Variants in MGA observed in about 807,000 individuals in gnomAD.
MGA encodes the protein MAX dimerization protein MGA, also known as MAX gene-associated protein.
A neutral mutation model predicts 261.1 loss-of-function variants in MGA; 40 were observed. The ratio of observed to expected loss-of-function variants is 0.15; its 90% CI spans 0.12 to 0.20. The LOEUF is 0.20. MGA is among the 10% of genes least tolerant of loss of function. MGA has a pLI of 1.00. For synonymous variants in MGA, 1,302 were observed against 1,290.6 expected (o/e 1.01, Z -0.19); for missense variants, 3,397 against 3,630.5 (o/e 0.94, Z 1.65).
At position 41,713,280 on chromosome 15, in the gene MGA, C is replaced by T. The variant is rs376085008; in HGVS notation, c.3214C>T (p.Arg1072Cys). Residue 1072 changes from arginine to cysteine, a missense_variant, in exon 9 of 24, where the codon CGC (arginine) becomes TGC (cysteine). Arg to Cys is a radical substitution (Grantham distance 180). Coordinates refer to ENST00000219905, the MANE Select transcript of MGA (RefSeq NM_001164273.2). Reference sequence around the variant, plus strand: ...GGAGAAGCGCCAACCTGCTCACTGCCGCCGACCAGACTGCATGTTTGGTTG... The same window carrying T: ...GGAGAAGCGCCAACCTGCTCACTGCTGCCGACCAGACTGCATGTTTGGTTG... The T allele has an allele frequency of 1.5e-5, 25 of 1,613,902 alleles. No individual in the cohort carries two copies. The highest frequency in any genetic ancestry group is 2.1e-5 in the Non-Finnish European group (25 of 1,179,882).
chr15:41,708,040 T>C (rs2060205747), intron 6 of MGA, 64 bp from the exon 7 acceptor site: 1 of 1,407,430 alleles, frequency 7.1e-7, no homozygotes, highest in African/African-American at 1.5e-5. Flanking sequence ...TTTTATTAAT[T>C]AACTAGGTCC....
At chr15:41,677,993 C>G (rs1321454154) in intron 2 of MGA, among the ~76,000 whole-genome samples, 1 of 152,000 alleles carries the variant, frequency 6.6e-6, no homozygotes, top group Non-Finnish European at 1.5e-5. Context: ...CTTAAGAAAC[C>G]ATTGCCAAAT....
At chr15:41,717,249 G>T (rs1020293677) in intron 9 of MGA, among the ~76,000 whole-genome samples, 9 of 152,064 alleles carry the variant, frequency 5.9e-5, no homozygotes, top group African/African-American at 2.2e-4. Flanking sequence ...AAAAAATACT[G>T]CTGGCTGTGC....
intron 10 of MGA, among the ~76,000 whole-genome samples, chr15:41,727,797 A>G (rs1032247761): frequency 1.3e-5 from 2 of 152,208 alleles, no homozygotes; most frequent in Admixed American, 6.5e-5. Context: ...TTAAAAATGC[A>G]TAATAATATC....
intron 9 of MGA, among the ~76,000 whole-genome samples, chr15:41,719,332 C>T (rs1469012734): frequency 3.3e-5 from 5 of 152,164 alleles, no homozygotes; most frequent in Non-Finnish European, 7.4e-5. Context: ...GCCTATAGAT[C>T]TGCTGATGCT....
rs752846487 is a variant in MGA at position 41,727,357 on chromosome 15, T to C, written c.3608T>C (p.Leu1203Pro). 4 of 1,613,898 alleles carry C rather than the reference T, an allele frequency of 2.5e-6. No homozygotes were observed. The highest frequency in any genetic ancestry group is 3.4e-6 in the Non-Finnish European group (4 of 1,179,894). Residue 1203 changes from leucine to proline, a missense_variant, in exon 10 of 24, where the codon CTC becomes CCC. Transcript: ENST00000219905. ...TCTCCTACTGTGAAGGGCAAACTGC[T>C]CACTGGAATTAAATCTCCACGGTCA...
At chr15:41,760,059 T>G (rs2063366654) in intron 19 of MGA, 1 of 415,192 alleles carries the variant, frequency 2.4e-6, no homozygotes, top group East Asian at 4.2e-5. Flanking sequence ...ACATATACAA[T>G]TTCTTCCTCA....
chr15:41,689,201 A>G (rs2059128156), intron 2 of MGA, among the ~76,000 whole-genome samples: 1 of 151,662 alleles, frequency 6.6e-6, no homozygotes, highest in Non-Finnish European at 1.5e-5. Flanking sequence ...TAAGCCTCTA[A>G]ACCTTGTTAC....
chr15:41,756,434 A>G (rs2063153204), intron 18 of MGA, among the ~76,000 whole-genome samples: 1 of 152,226 alleles, frequency 6.6e-6, no homozygotes, highest in African/African-American at 2.4e-5. Flanking sequence ...CTAGGTGTGG[A>G]GCAATGGGAA....
chr15:41,702,023 A>G (rs1438408265), intron 5 of MGA, among the ~76,000 whole-genome samples: 1 of 151,978 alleles, frequency 6.6e-6, no homozygotes, highest in East Asian at 1.9e-4. Flanking sequence ...GGCTTCCTTT[A>G]AAAAGCCATA....
Position 41,664,954 on chromosome 15 carries a change from G to C in MGA, c.-67-3874G>C, listed in dbSNP as rs554433733. 2.0e-5 allele frequency among the ~76,000 whole-genome samples: 3 copies of C among 152,266 alleles called. No individual in the cohort carries two copies. The South Asian group carries it at 6.2e-4, about 32-fold the overall frequency. ...TCTTTTAAAAATAAACTTCACATCAGAGGAGAGATTTTTTGTTGTTGTTGT... is the reference window on the plus strand; with the variant it reads ...TCTTTTAAAAATAAACTTCACATCACAGGAGAGATTTTTTGTTGTTGTTGT... On this transcript the variant is annotated intron_variant, in intron 1 of 23. Coordinates refer to ENST00000219905, the MANE Select transcript of MGA (RefSeq NM_001164273.2).
chr15:41,639,095 C>T (rs761386490), intron 1 of MGA, among the ~76,000 whole-genome samples: 1 of 152,146 alleles, frequency 6.6e-6, no homozygotes, highest in South Asian at 2.1e-4. Flanking sequence ...GCCCTTTCAG[C>T]ATGAGAATTT....
chr15:41,729,035 T>A, intron 10 of MGA, 129 bp from the exon 11 acceptor site: 1 of 907,146 alleles, frequency 1.1e-6, no homozygotes, highest in Non-Finnish European at 1.7e-6. Flanking sequence ...TTGTGCTGTT[T>A]GATTTGAAAG....
chr15:41,647,243 G>A (rs943132472), intron 1 of MGA, among the ~76,000 whole-genome samples: 3 of 152,160 alleles, frequency 2.0e-5, no homozygotes, highest in Non-Finnish European at 4.4e-5. Flanking sequence ...CTGCCTGCAA[G>A]CTCATTCGTA....
At chr15:41,717,703 C>T (rs922805852) in intron 9 of MGA, among the ~76,000 whole-genome samples, 1 of 152,120 alleles carries the variant, frequency 6.6e-6, no homozygotes, top group Non-Finnish European at 1.5e-5. Flanking sequence ...GACTAAATCC[C>T]ATTTGATACA....
chr15:41,696,060 C>CCT lies in MGA; in HGVS notation c.1065-5_1065-4dup, dbSNP rs750164645. Reference sequence around the variant, plus strand: ...TTTTGTACTTTTAAAATCCCTTTCTCCTCTCTCTCTCCAGTCTTATTGCCA... The same window carrying CCT: ...TTTTGTACTTTTAAAATCCCTTTCTCCTCTCTCTCTCTCCAGTCTTATTGCCA... On this transcript the variant is annotated splice_polypyrimidine_tract_variant and intron_variant, in intron 2 of 23. Coordinates refer to ENST00000219905, the MANE Select transcript of MGA (RefSeq NM_001164273.2). The CCT allele has an allele frequency of 1.7e-5, 26 of 1,536,542 alleles. No homozygotes were observed. Among genetic ancestry groups the CCT allele is most frequent in the African/African-American group, 5.6e-5 (4 of 71,898 alleles).
At chr15:41,703,524 G>C (rs1336164112) in intron 5 of MGA, among the ~76,000 whole-genome samples, 2 of 152,024 alleles carry the variant, frequency 1.3e-5, no homozygotes, top group Non-Finnish European at 2.9e-5. Context: ...TTTTGCACCA[G>C]AGATTTATCT....
intron 23 of MGA, 139 bp from the exon 24 acceptor site, chr15:41,765,865 C>A (rs1046318636): frequency 1.1e-5 from 7 of 666,250 alleles, no homozygotes; most frequent in African/African-American, 3.6e-5. Flanking sequence ...ACTGATATTT[C>A]TTTCATCTTT....
intron 1 of MGA, among the ~76,000 whole-genome samples, chr15:41,628,164 A>T (rs1383149754): frequency 6.6e-6 from 1 of 151,962 alleles, no homozygotes; most frequent in East Asian, 1.9e-4. Context: ...TGAGGTCAGG[A>T]GTTTGAGACC....
Sources: allele counts gnomAD v4.1 joint callset (sites outside exome capture counted in the v4.1 genomes callset), GRCh38; gene constraint gnomAD v4.1.1; transcripts MANE v1.5; gene names NCBI Gene and HGNC (gene_info 2026-07-23, HGNC 2026-07-21).